Variants in AGBL1 observed in about 807,000 individuals in gnomAD.
AGBL1 encodes the protein cytosolic carboxypeptidase 4.
Under a neutral mutation model 118.9 loss-of-function variants are expected in AGBL1, and 130 were observed. That is an observed-to-expected ratio of 1.09 (90% CI 0.95 to 1.26). The LOEUF is 1.26. Among genes scored for constraint, AGBL1 ranks in the 50% most tolerant of loss-of-function variants. The pLI is 0.00. For missense variants in AGBL1, 1,584 were observed against 1,298.1 expected, an observed-to-expected ratio of 1.22 and a Z score of -3.38; for synonymous variants, 555 against 478.9, an observed-to-expected ratio of 1.16 and a Z score of -2.08.
intron 22 of AGBL1, among the ~76,000 whole-genome samples, chr15:86,868,856 C>G (rs886446029): frequency 6.6e-6 from 1 of 152,034 alleles, no homozygotes; most frequent in African/African-American, 2.4e-5. Context: ...AAAGCAATCT[C>G]AAAATTGGAA....
intron 22 of AGBL1, among the ~76,000 whole-genome samples, chr15:86,805,078 T>C (rs2078698290): frequency 6.6e-6 from 1 of 152,072 alleles, no homozygotes; most frequent in Non-Finnish European, 1.5e-5. Context: ...ACTCAAGTGG[T>C]CTTTTCTGGC....
At chr15:86,296,872 G>A (rs940905352) in intron 17 of AGBL1, 9 of 152,164 alleles carry the variant, frequency 5.9e-5, no homozygotes, top group Admixed American at 5.9e-4. Context: ...GTGGATGTGT[G>A]TAAGTCTGAG....
At chr15:87,016,745 A>T (rs922922969) in intron 24 of AGBL1, among the ~76,000 whole-genome samples, 9 of 152,070 alleles carry the variant, frequency 5.9e-5, no homozygotes, top group African/African-American at 1.9e-4. Context: ...AGCCAAAGGA[A>T]CCACCACCCC....
chr15:86,774,318 A>G (rs2078222054), intron 22 of AGBL1, among the ~76,000 whole-genome samples: 1 of 152,262 alleles, frequency 6.6e-6, no homozygotes, highest in Middle Eastern at 3.4e-3. Context: ...TATAATTACA[A>G]TAGTGGATGA....
rs529913129 is a variant in AGBL1, at chr15:86,097,535, C to CTT, written c.51+17528_51+17529dup. 1.7e-3 allele frequency among the ~76,000 whole-genome samples: 233 copies of CTT among 139,212 alleles called. 1 individual carries two copies. Among genetic ancestry groups the CTT allele is most frequent in the African/African-American group, 5.1e-3 (192 of 37,776 alleles). The allele number at this position is 139,212 out of a possible 152,430, so 91.3% of individuals were successfully genotyped here. A position where few individuals can be genotyped will look rare whatever the true frequency, so the allele number is the denominator to read the frequency against. The stretch of plus-strand genomic sequence containing the variant: ...CTAATCTCTATTTCCATGAGATCCA[C>CTT]TTTTTTTTTTTTTTTTTAGCTCCCA... On this transcript the variant is annotated intron_variant, in intron 1 of 22. Coordinates refer to ENST00000614907, the MANE Select transcript of AGBL1 (RefSeq NM_001386094.1).
chr15:86,267,584 G>A (rs775586210), intron 13 of AGBL1, among the ~76,000 whole-genome samples: 13 of 152,166 alleles, frequency 8.5e-5, no homozygotes, highest in Non-Finnish European at 1.6e-4. Flanking sequence ...AAGGGAAGAT[G>A]CAGTACCATG....
At chr15:86,833,365 C>T (rs574838624) in intron 22 of AGBL1, among the ~76,000 whole-genome samples, 17 of 152,150 alleles carry the variant, frequency 1.1e-4, no homozygotes, top group East Asian at 7.8e-4. Context: ...AGGGACCTAG[C>T]GGGAGGTAAT....
In AGBL1 at chr15:86,221,028, C is replaced by T. The variant is rs1230683738; in HGVS notation, c.489-3886C>T. ...CAGCCTAGCCAACATGGTGAAACCC[C>T]GTCTCTACTAAAAATACAAAAATTA... On this transcript the variant is annotated intron_variant, in intron 5 of 22. Transcript: ENST00000614907. Among the ~76,000 whole-genome samples, 8 of 151,958 alleles carry T rather than the reference C, an allele frequency of 5.3e-5. No homozygotes were observed. In the South Asian group the frequency reaches 6.3e-4, roughly 12 times the overall value.
At chr15:86,516,234 A>G (rs1359314514) in intron 18 of AGBL1, among the ~76,000 whole-genome samples, 1 of 152,190 alleles carries the variant, frequency 6.6e-6, no homozygotes, top group Non-Finnish European at 1.5e-5. Flanking sequence ...TTTGTCCACA[A>G]GGAATCTCCT....
At chr15:86,769,127 G>A (rs1465580446) in intron 22 of AGBL1, among the ~76,000 whole-genome samples, 1 of 145,740 alleles carries the variant, frequency 6.9e-6, no homozygotes, top group Admixed American at 6.9e-5. Flanking sequence ...ATACATTACA[G>A]GAGAGGAACC....
chr15:86,443,357 C>G (rs759526299), intron 18 of AGBL1, among the ~76,000 whole-genome samples: 1 of 152,136 alleles, frequency 6.6e-6, no homozygotes, highest in African/African-American at 2.4e-5. Context: ...CACATACTTA[C>G]GGGGTATGTG....
At chr15:86,478,304 A>C (rs1408633331) in intron 18 of AGBL1, among the ~76,000 whole-genome samples, 1 of 152,234 alleles carries the variant, frequency 6.6e-6, no homozygotes, top group African/African-American at 2.4e-5. Context: ...TGCTGTTTGC[A>C]GATGACATGA....
chr15:86,827,382 TAC>T (rs1260407737), intron 22 of AGBL1, among the ~76,000 whole-genome samples: 5 of 9,424 alleles, frequency 5.3e-4, no homozygotes, highest in African/African-American at 3.3e-3. Flanking sequence ...TATATATATA[TAC>T]ACATATATAT....
At chr15:87,026,438 C>A (rs1366863573) in intron 24 of AGBL1, among the ~76,000 whole-genome samples, 1 of 151,968 alleles carries the variant, frequency 6.6e-6, no homozygotes, top group Non-Finnish European at 1.5e-5. Context: ...ATCAAAACCA[C>A]AATACACTGC....
chr15:86,836,689 G>C (rs2079175494), intron 22 of AGBL1, among the ~76,000 whole-genome samples: 1 of 151,936 alleles, frequency 6.6e-6, no homozygotes, highest in Non-Finnish European at 1.5e-5. Context: ...ACCTCATATG[G>C]GTACCCTCCC....
chr15:86,899,998 C>A (rs1267986114), intron 22 of AGBL1, among the ~76,000 whole-genome samples: 1 of 152,152 alleles, frequency 6.6e-6, no homozygotes, highest in Admixed American at 6.5e-5. Context: ...ACTAGACTGG[C>A]TGAGTCTTCT....
At chr15:86,347,269 T>A (rs1277106666) in intron 17 of AGBL1, among the ~76,000 whole-genome samples, 1 of 152,232 alleles carries the variant, frequency 6.6e-6, no homozygotes, top group Non-Finnish European at 1.5e-5. Context: ...CTTACTAACT[T>A]TTTAAAGGAT....
At chr15:86,513,548 T>TA (rs1201634631) in intron 18 of AGBL1, among the ~76,000 whole-genome samples, 1 of 152,072 alleles carries the variant, frequency 6.6e-6, no homozygotes, top group Non-Finnish European at 1.5e-5. Context: ...TGTGGGGAGA[T>TA]ACTCTGATGT....
At chr15:86,989,514 T>C (rs2081317599) in intron 24 of AGBL1, among the ~76,000 whole-genome samples, 1 of 152,218 alleles carries the variant, frequency 6.6e-6, no homozygotes, top group South Asian at 2.1e-4. Flanking sequence ...TTTAATCTGC[T>C]AAGATGGGAA....
Sources: allele counts gnomAD v4.1 joint callset (sites outside exome capture counted in the v4.1 genomes callset), GRCh38; gene constraint gnomAD v4.1.1; transcripts MANE v1.5; gene names NCBI Gene and HGNC (gene_info 2026-07-23, HGNC 2026-07-21).